Variants in ALS2 observed in about 807,000 individuals in gnomAD.
ALS2 encodes the protein alsin.
Under a neutral mutation model 203.4 loss-of-function variants are expected in ALS2, and 117 were observed. The observed-to-expected ratio is 0.58, with a 90% CI of 0.50 to 0.67. The LOEUF (loss-of-function observed/expected upper bound fraction) is 0.67. Among genes scored for constraint, ALS2 ranks in the 30% least tolerant of loss-of-function variants. ALS2 has a pLI of 0.00. For missense variants in ALS2, 1,715 were observed against 1,989.4 expected, an observed-to-expected ratio of 0.86 and a Z score of 2.62; for synonymous variants, 718 against 725.9, an observed-to-expected ratio of 0.99 and a Z score of 0.17.
intron 23 of ALS2, among the ~76,000 whole-genome samples, chr2:201,718,718 AC>A (rs1442101467): frequency 6.6e-6 from 1 of 152,242 alleles, no homozygotes; most frequent in Non-Finnish European, 1.5e-5. Flanking sequence ...AAAGAAAAAA[AC>A]ACACACACAG....
At position 201,746,648 on chromosome 2, in the gene ALS2, C is replaced by T. The variant is rs1246084477; in HGVS notation, c.1916G>A (p.Gly639Asp). 1 of 1,614,128 alleles carries T rather than the reference C, an allele frequency of 6.2e-7. No homozygotes were observed. The highest frequency in any genetic ancestry group is 1.1e-5 in the South Asian group (1 of 91,070). The change falls in exon 9 of 34, where the codon GGC (glycine) becomes GAC (aspartate). Residue 639 changes from glycine to aspartate, a missense_variant. Transcript: ENST00000264276. ...EDFQPGLYYS[G>D]RQDPTEGDNL... is the part of the protein sequence containing the mutation. Reference sequence around the variant, plus strand: ...GTCACCTTCTGTAGGGTCCTGTCGGCCACTGTAATATAACCCAGGCTGGAA... The same window carrying T: ...GTCACCTTCTGTAGGGTCCTGTCGGTCACTGTAATATAACCCAGGCTGGAA...
intron 7 of ALS2, among the ~76,000 whole-genome samples, chr2:201,750,083 T>G (rs936810749): frequency 7.9e-5 from 12 of 151,808 alleles, no homozygotes; most frequent in African/African-American, 2.9e-4. Context: ...GGAGAATGGC[T>G]TGAACCCGGC....
chr2:201,753,176 G>A lies in ALS2; in HGVS notation c.1707C>T (p.Tyr569=), dbSNP rs1297184321. ...KEVIHLEAGG[Y]HSLALTAKSQ... ...ATTTCGCAGTAAGTGCAAGAGAATGGTAACCACCTGCCTCCAGATGGATTA... is the reference window on the plus strand; with the variant it reads ...ATTTCGCAGTAAGTGCAAGAGAATGATAACCACCTGCCTCCAGATGGATTA... The change falls in exon 7 of 34, where the codon TAC becomes TAT. Residue 569 remains tyrosine (Y), a synonymous_variant. Coordinates refer to ENST00000264276, the MANE Select transcript of ALS2 (RefSeq NM_020919.4). 6.2e-7 allele frequency: 1 copy of A among 1,614,082 alleles called. No individual in the cohort carries two copies. The highest frequency in any genetic ancestry group is 1.1e-5 in the South Asian group (1 of 91,084).
intron 25 of ALS2, among the ~76,000 whole-genome samples, chr2:201,711,936 T>C (rs372591703): frequency 6.6e-6 from 1 of 152,218 alleles, no homozygotes; most frequent in Admixed American, 6.5e-5. Context: ...TGTACTAAGC[T>C]GACCATCTGT....
In ALS2 at chr2:201,722,988, A is replaced by G. The variant is rs1425457141; in HGVS notation, c.3702+55T>C. On this transcript the variant is annotated intron_variant, in intron 23 of 33. Transcript: ENST00000264276. ...TAAATCAGCTATTTTTAAAGTAAAA[A>G]AAAATTAGTAAAAGAATTTATTAGG... The G allele has an allele frequency of 7.2e-6, 10 of 1,391,656 alleles. No homozygotes were observed. The Admixed American group carries it at 1.6e-4, about 22-fold the overall frequency. The allele number at this position is 1,391,656 out of a possible 1,614,324, so 86.2% of individuals were successfully genotyped here. A position where few individuals can be genotyped will look rare whatever the true frequency, so the allele number is the denominator to read the frequency against.
chr2:201,726,044 C>G (rs766407756), intron 19 of ALS2, among the ~76,000 whole-genome samples: 13 of 152,134 alleles, frequency 8.5e-5, no homozygotes, highest in Non-Finnish European at 1.6e-4. Context: ...ATTAGAGCAT[C>G]ATTGAGATAA....
At position 201,731,045 on chromosome 2, in the gene ALS2, A is replaced by G. The variant is rs1220809492; in HGVS notation, c.2581-1862T>C. 6.6e-5 allele frequency among the ~76,000 whole-genome samples: 10 copies of G among 152,360 alleles called. No individual in the cohort carries two copies. In the East Asian group the frequency reaches 1.7e-3, roughly 26 times the overall value. ...TCTGCAAACCAAGTTTTGAGAAACA[A>G]CTACTGGGATGGGTGTAACCGCTAC... On this transcript the variant is annotated intron_variant, in intron 13 of 33. Transcript: ENST00000264276.
At position 201,713,133 on chromosome 2, in the gene ALS2, C is replaced by CTTTTT. The variant is rs35807671; in HGVS notation, c.4005-2030_4005-2026dup. Among the ~76,000 whole-genome samples, 47 of 96,250 alleles carry CTTTTT rather than the reference C, an allele frequency of 4.9e-4. 2 individuals carry two copies. Among genetic ancestry groups the CTTTTT allele is most frequent in the African/African-American group, 1.0e-3 (26 of 25,502 alleles). The allele number at this position is 96,250 out of a possible 152,430, so 63.1% of individuals were successfully genotyped here. ...CCCTCATTCTTTCTCCTTTTCTTTTCTTTTTTTTTTTTTTTTTTTTGAGAT... is the reference window on the plus strand; with the variant it reads ...CCCTCATTCTTTCTCCTTTTCTTTTCTTTTTTTTTTTTTTTTTTTTTTTTTGAGAT... On this transcript the variant is annotated intron_variant, in intron 25 of 33. Coordinates refer to ENST00000264276, the MANE Select transcript of ALS2 (RefSeq NM_020919.4).
intron 1 of ALS2, among the ~76,000 whole-genome samples, chr2:201,777,744 T>C (rs1028810256): frequency 2.6e-5 from 4 of 152,194 alleles, no homozygotes; most frequent in Non-Finnish European, 5.9e-5. Flanking sequence ...GATATACACA[T>C]ATCAATAAAT....
chr2:201,709,731 C>A, intron 27 of ALS2, 150 bp downstream of exon 27: 2 of 939,464 alleles, frequency 2.1e-6, no homozygotes, highest in South Asian at 1.4e-5. Flanking sequence ...ATGTTTATAG[C>A]TTACACATAC....
chr2:201,768,919 C>T lies in ALS2; in HGVS notation c.-34G>A. On this transcript the variant is annotated 5_prime_UTR_variant, in exon 2 of 34. Coordinates refer to ENST00000264276, the MANE Select transcript of ALS2 (RefSeq NM_020919.4). ...GGGAACACTCCATCACCAAATCATT[C>T]CTTCTTTACAGAAAGTCTATCAAGA... The T allele has an allele frequency of 1.9e-6, 3 of 1,609,728 alleles. No individual in the cohort carries two copies. Among genetic ancestry groups the T allele is most frequent in the Middle Eastern group, 1.7e-4 (1 of 6,052 alleles).
chr2:201,767,901 C>G (rs1190879106), intron 2 of ALS2, among the ~76,000 whole-genome samples: 1 of 148,750 alleles, frequency 6.7e-6, no homozygotes, highest in Middle Eastern at 3.5e-3. Flanking sequence ...GAAGGACACT[C>G]TAAACCCACA....
chr2:201,726,936 G>C, intron 17 of ALS2, 70 bp from the exon 18 acceptor site: 2 of 1,354,140 alleles, frequency 1.5e-6, no homozygotes, highest in East Asian at 2.4e-5. Context: ...AATCCTGCTA[G>C]TTTTCTTTGG....
chr2:201,708,872 T>C (rs1230424161), intron 27 of ALS2, among the ~76,000 whole-genome samples: 2 of 42,466 alleles, frequency 4.7e-5, no homozygotes, highest in African/African-American at 1.3e-4. Flanking sequence ...GCCCTAATTG[T>C]ATAGTTGAAA....
intron 1 of ALS2, among the ~76,000 whole-genome samples, chr2:201,777,153 G>A (rs1478111498): frequency 6.6e-6 from 1 of 152,052 alleles, no homozygotes; most frequent in African/African-American, 2.4e-5. Context: ...TCCTTTGAGG[G>A]CCTTATTATA....
chr2:201,754,426 T>C (rs892855251), intron 6 of ALS2, 77 bp downstream of exon 6: 29 of 1,553,274 alleles, frequency 1.9e-5, no homozygotes, highest in Admixed American at 1.0e-4. Flanking sequence ...ATGAGGAAAG[T>C]GAGATTTAGA....
At chr2:201,721,130 A>T (rs1184407028) in intron 23 of ALS2, among the ~76,000 whole-genome samples, 1 of 152,252 alleles carries the variant, frequency 6.6e-6, no homozygotes, top group East Asian at 1.9e-4. Flanking sequence ...CAAGATGTGT[A>T]CACTGAAACC....
chr2:201,722,818 G>A, intron 23 of ALS2: 1 of 551,422 alleles, frequency 1.8e-6, no homozygotes, highest in Admixed American at 3.3e-5. Context: ...GACTTTAGGT[G>A]GAAATGGAAG....
chr2:201,780,105 G>A (rs183875348), intron 1 of ALS2: 7 of 152,350 alleles, frequency 4.6e-5, no homozygotes, highest in Non-Finnish European at 1.0e-4. Flanking sequence ...AGAAAGCACT[G>A]TTCTTGGATA....
Sources: allele counts gnomAD v4.1 joint callset (sites outside exome capture counted in the v4.1 genomes callset), GRCh38; gene constraint gnomAD v4.1.1; transcripts MANE v1.5; gene names NCBI Gene and HGNC (gene_info 2026-07-23, HGNC 2026-07-21).